PSEN2: variants seen among roughly 807,000 people sequenced by gnomAD.
The protein encoded by PSEN2 is presenilin-2.
PSEN2 carries 32 observed loss-of-function variants against 49.1 expected under a neutral mutation model. The ratio of observed to expected loss-of-function variants is 0.65; its 90% CI spans 0.49 to 0.88. The LOEUF (loss-of-function observed/expected upper bound fraction) is 0.88. Ranked by LOEUF, PSEN2 falls within the 40% of genes least tolerant of loss-of-function variation. The pLI is 0.00. For missense variants in PSEN2, 522 were observed against 586.9 expected, an observed-to-expected ratio of 0.89 and a Z score of 1.14; for synonymous variants, 255 against 244.0, an observed-to-expected ratio of 1.05 and a Z score of -0.42.
intron 10 of PSEN2, among the ~76,000 whole-genome samples, 178 bp downstream of exon 10, chr1:226,891,539 C>T (rs778221576): frequency 2.0e-5 from 3 of 152,094 alleles, no homozygotes; most frequent in African/African-American, 4.8e-5. Context: ...GTTGGACCCT[C>T]GGTCCTCTGC....
chr1:226,880,465 C>G (rs1660903104), intron 3 of PSEN2: 1 of 1,430,374 alleles, frequency 7.0e-7, no homozygotes. Context: ...CTATCCCTGC[C>G]CAGGGTGTGA....
At chr1:226,887,978 G>C in intron 6 of PSEN2, 113 bp from the exon 7 acceptor site, 1 of 892,758 alleles carries the variant, frequency 1.1e-6, no homozygotes, top group Non-Finnish European at 1.9e-6. Context: ...GCGTAGGCAT[G>C]AAGTAGCCTA....
intron 1 of PSEN2, 40 bp downstream of exon 1, chr1:226,870,689 T>G (rs1660213656): frequency 6.6e-6 from 1 of 152,072 alleles, no homozygotes; most frequent in Non-Finnish European, 1.5e-5. Flanking sequence ...GCCAGGGCCC[T>G]GTCGCCTGCG....
intron 12 of PSEN2, 70 bp from the exon 13 acceptor site, chr1:226,895,354 T>TAGAC (rs1436655557): frequency 6.3e-7 from 1 of 1,577,078 alleles, no homozygotes; most frequent in African/African-American, 1.4e-5. Context: ...GCCCAGGGAC[T>TAGAC]AGACCATGAC....
chr1:226,870,648 A>C lies in PSEN2; in HGVS notation c.-351A>C, dbSNP rs1354866979. ...CTCCGCTGGAGCGCGGCGGCAGAGC[A>C]GGTGAGCGGGCGGTGCCGGGGGGTG... is the stretch of plus-strand genomic sequence containing the variant. On this transcript the variant is annotated splice_region_variant and 5_prime_UTR_variant, in exon 1 of 13. Transcript: ENST00000366783. The C allele has an allele frequency of 6.6e-6, 1 of 152,036 alleles. No individual in the cohort carries two copies. The highest frequency in any genetic ancestry group is 1.9e-4 in the East Asian group (1 of 5,164). 9.4% of individuals were successfully genotyped at this position (152,036 alleles called of 1,614,324 possible).
At position 226,886,363 on chromosome 1, in the gene PSEN2, A is replaced by AG. The variant is rs1661364409; in HGVS notation, c.498+686dup. Among the ~76,000 whole-genome samples the AG allele has an allele frequency of 2.6e-5, 4 of 152,186 alleles. No homozygotes were observed. The South Asian group carries it at 8.3e-4, about 32-fold the overall frequency. ...TTCCTTTTCGGGCAAGGATGTGCAG[A>AG]GGCCATGCTGAGGTCTTGCAGCCCT... On this transcript the variant is annotated intron_variant, in intron 6 of 12. Coordinates refer to ENST00000366783, the MANE Select transcript of PSEN2 (RefSeq NM_000447.3).
chr1:226,874,349 G>A (rs6661000), intron 2 of PSEN2, among the ~76,000 whole-genome samples: 5,292 of 152,288 alleles, frequency 0.035, 288 homozygotes, highest in African/African-American at 0.12. Flanking sequence ...GACATTAACT[G>A]ATTACTTTTG....
At chr1:226,897,057 A>G (rs1412367790), downstream of PSEN2, among the ~76,000 whole-genome samples, 1 of 152,190 alleles carries the variant, frequency 6.6e-6, no homozygotes, top group African/African-American at 2.4e-5. Flanking sequence ...GAGGCCGAAC[A>G]CTGGCGGGTG....
At chr1:226,873,104 G>A (rs1484058585) in intron 2 of PSEN2, among the ~76,000 whole-genome samples, 1 of 151,976 alleles carries the variant, frequency 6.6e-6, no homozygotes, top group African/African-American at 2.4e-5. Context: ...TTGAACCCAG[G>A]AGGCGGAGGT....
intron 3 of PSEN2, among the ~76,000 whole-genome samples, chr1:226,881,636 C>G (rs185396731): frequency 6.6e-6 from 1 of 152,204 alleles, no homozygotes; most frequent in African/African-American, 2.4e-5. Context: ...CCCTGACTTT[C>G]GTGGCTATGC....
intron 3 of PSEN2, chr1:226,880,417 C>T: frequency 9.5e-7 from 1 of 1,057,018 alleles, no homozygotes; most frequent in South Asian, 1.8e-5. Context: ...TGTGGGGTGA[C>T]TTACTTGGAG....
intron 6 of PSEN2, among the ~76,000 whole-genome samples, chr1:226,886,700 A>G (rs1395886661): frequency 6.6e-6 from 1 of 152,226 alleles, no homozygotes; most frequent in African/African-American, 2.4e-5. Flanking sequence ...GAGGGATGGG[A>G]CAGGGACAGT....
chr1:226,871,322 C>T lies in PSEN2; in HGVS notation c.-289C>T, dbSNP rs1660274909. ...CTTTTGGAGCTGAAGGAACCTGAGA[C>T]AGAAGCTAGTCCCCCCTCTGAATTT... On this transcript the variant is annotated 5_prime_UTR_variant, in exon 2 of 13. Transcript: ENST00000366783. 1 of 152,304 alleles carries T rather than the reference C, an allele frequency of 6.6e-6. No homozygotes were observed. Among genetic ancestry groups the T allele is most frequent in the Admixed American group, 6.5e-5 (1 of 15,286 alleles). The allele number at this position is 152,304 out of a possible 1,614,324, so 9.4% of individuals were successfully genotyped here. A position where few individuals can be genotyped will look rare whatever the true frequency, so the allele number is the denominator to read the frequency against.
intron 6 of PSEN2, 42 bp downstream of exon 6, chr1:226,885,721 C>T: frequency 6.2e-7 from 1 of 1,600,784 alleles, no homozygotes; most frequent in Non-Finnish European, 8.5e-7. Context: ...TTCTCTCCGT[C>T]TGCCCCACAC....
At chr1:226,876,686 T>A (rs1368656935) in intron 3 of PSEN2, among the ~76,000 whole-genome samples, 1 of 152,246 alleles carries the variant, frequency 6.6e-6, no homozygotes, top group Non-Finnish European at 1.5e-5. Context: ...TTCGTAAAGT[T>A]TTATGTTCGG....
At chr1:226,890,892 G>T (rs977786313) in intron 9 of PSEN2, 14 of 261,342 alleles carry the variant, frequency 5.4e-5, no homozygotes, top group Non-Finnish European at 1.0e-4. Flanking sequence ...GAGGAGAATC[G>T]CCTGCAGCGT....
At position 226,883,935 on chromosome 1, in the gene PSEN2, G is replaced by C. The variant is rs377096583; in HGVS notation, c.356+16G>C. 6.3e-7 allele frequency: 1 copy of C among 1,590,722 alleles called. No individual in the cohort carries two copies. The highest frequency in any genetic ancestry group is 8.6e-7 in the Non-Finnish European group (1 of 1,163,128). The stretch of plus-strand genomic sequence containing the variant: ...ATGGACAGCTGTGAGTTGGGGGGCT[G>C]GGGGGAGCAGGGTGGGGTGAGGGCT... On this transcript the variant is annotated intron_variant, in intron 5 of 12. Coordinates refer to ENST00000366783, the MANE Select transcript of PSEN2 (RefSeq NM_000447.3).
chr1:226,889,090 G>A (rs1305807275), intron 8 of PSEN2, 41 bp downstream of exon 8: 3 of 1,564,720 alleles, frequency 1.9e-6, no homozygotes, highest in Non-Finnish European at 2.6e-6. Flanking sequence ...TGGGGGCGAT[G>A]TCCAGGGCCA....
Position 226,882,768 on chromosome 1 carries a change from T to TGAAA in PSEN2, c.141+721_141+724dup, listed in dbSNP as rs571019582. 1.2e-4 allele frequency among the ~76,000 whole-genome samples: 19 copies of TGAAA among 152,300 alleles called. No individual in the cohort carries two copies. In the South Asian group the frequency reaches 3.7e-3, roughly 30 times the overall value. On this transcript the variant is annotated intron_variant, in intron 4 of 12. Transcript: ENST00000366783. Reference sequence around the variant, plus strand: ...GGAACCATCGTCCCTAAGCCCTGAGTGAAATCACACCAGCTTAAGGCCACT... The same window carrying TGAAA: ...GGAACCATCGTCCCTAAGCCCTGAGTGAAAGAAATCACACCAGCTTAAGGCCACT...
Sources: gnomAD v4.1 joint callset for allele counts (sites outside exome capture counted in the v4.1 genomes callset) on GRCh38, gnomAD v4.1.1 for gene constraint, MANE v1.5 for transcripts, NCBI Gene and HGNC (gene_info 2026-07-23, HGNC 2026-07-21) for gene names.